The following SLC12A4 variants were observed in gnomAD, a reference collection of about 807,000 sequenced individuals.
The protein encoded by SLC12A4 is solute carrier family 12 member 4.
In SLC12A4, 84 loss-of-function variants were observed where a neutral mutation model predicts 119.2. The ratio of observed to expected loss-of-function variants is 0.70; its 90% CI spans 0.59 to 0.85. The LOEUF is 0.85. Among genes scored for constraint, SLC12A4 ranks in the 40% least tolerant of loss-of-function variants. The pLI, the probability that SLC12A4 is intolerant of heterozygous loss-of-function variation, is 0.00. For missense variants in SLC12A4, 1,298 were observed against 1,476.3 expected (o/e 0.88, Z 1.98); for synonymous variants, 599 against 604.6 (o/e 0.99, Z 0.14).
chr16:67,945,347 G>A (rs1267253670), intron 22 of SLC12A4, 22 bp downstream of exon 22: 2 of 1,604,516 alleles, frequency 1.2e-6, no homozygotes, highest in Non-Finnish European at 1.7e-6. Flanking sequence ...AGTGCCGCTG[G>A]GGCTGTTTTT....
Position 67,950,774 on chromosome 16 carries a change from G to A in SLC12A4, c.1397-63C>T, listed in dbSNP as rs2058405591. The A allele has an allele frequency of 5.8e-6, 9 of 1,558,996 alleles. No homozygotes were observed. Among genetic ancestry groups the A allele is most frequent in the Non-Finnish European group, 7.8e-6 (9 of 1,148,408 alleles). ...CCACTGTCCCTGAATAGTACCACGT[G>A]CCCCCACCCCAGCCAGACTACCAGG... On this transcript the variant is annotated intron_variant, in intron 10 of 23. Coordinates refer to ENST00000316341, the MANE Select transcript of SLC12A4 (RefSeq NM_005072.5). The surrounding 1 kb of genome is among the most constrained non-coding windows in gnomAD (Gnocchi z 4.3).
Position 67,944,578 on chromosome 16 carries a change from C to A in SLC12A4, c.*262G>T. On this transcript the variant is annotated 3_prime_UTR_variant, in exon 24 of 24. Coordinates refer to ENST00000316341, the MANE Select transcript of SLC12A4 (RefSeq NM_005072.5). This position sits in a 1 kb window ranked among gnomAD's most constrained non-coding sequence, Gnocchi z 6.6. Reference sequence around the variant, plus strand: ...CCTTCAAACCCCACTCGGCCCCTACCAGTCTTCTCTGGCCAGGACAGGCCT... The same window carrying A: ...CCTTCAAACCCCACTCGGCCCCTACAAGTCTTCTCTGGCCAGGACAGGCCT... 1 of 1,322,010 alleles carries A rather than the reference C, an allele frequency of 7.6e-7. No homozygotes were observed. Among genetic ancestry groups the A allele is most frequent in the Non-Finnish European group, 9.6e-7 (1 of 1,037,672 alleles). The allele number at this position is 1,322,010 out of a possible 1,614,324, so 81.9% of individuals were successfully genotyped here.
chr16:67,947,271 G>A, intron 16 of SLC12A4, 60 bp downstream of exon 16: 1 of 1,552,552 alleles, frequency 6.4e-7, no homozygotes, highest in Non-Finnish European at 8.8e-7. Context: ...TCGACCCTCT[G>A]ACCCCGACAG....
intron 1 of SLC12A4, chr16:67,966,933 A>C: frequency 7.0e-7 from 1 of 1,430,426 alleles, no homozygotes; most frequent in Non-Finnish European, 9.2e-7. Context: ...AGGCGTGGCC[A>C]AGGTGGGGCC....
chr16:67,957,070 G>T (rs2030301886), intron 5 of SLC12A4, among the ~76,000 whole-genome samples: 1 of 151,882 alleles, frequency 6.6e-6, no homozygotes. Flanking sequence ...GCATGATCTT[G>T]GCTCACTACT....
In SLC12A4 at chr16:67,952,377, C is replaced by T. The variant is rs775700500; in HGVS notation, c.724G>A (p.Asp242Asn). The change falls in exon 7 of 24, where the codon GAC becomes AAC. Residue 242 changes from aspartate (D) to asparagine (N), a missense_variant. Coordinates refer to ENST00000316341, the MANE Select transcript of SLC12A4 (RefSeq NM_005072.5). ...TTGTTCAAAGTGGCATTCGACGTGT[C>T]ATGAGCACCCGATGGGTAAAAAATG... ...AAIFYPSGAH[D>N]TSNATLNNMR... is the part of the protein sequence containing the mutation. 46 of 1,614,054 alleles carry T rather than the reference C, an allele frequency of 2.8e-5. No individual in the cohort carries two copies. The highest frequency in any genetic ancestry group is 3.7e-5 in the Non-Finnish European group (44 of 1,180,004).
At chr16:67,952,539 C>T in intron 6 of SLC12A4, 114 bp from the exon 7 acceptor site, 1 of 1,146,110 alleles carries the variant, frequency 8.7e-7, no homozygotes, top group Non-Finnish European at 1.3e-6. Context: ...GTGGCTCACG[C>T]CTGTAATCCC....
chr16:67,957,970 C>T lies in SLC12A4; in HGVS notation c.417G>A (p.Leu139=), dbSNP rs371698139. ...LQNIFGVILF[L]RLTWMVGTAG... ...CTGTGCCCACCATCCAGGTCAGCCG[C>T]AGGAAGAGGATAACCCCAAAGATAT... The change falls in exon 4 of 24, where the codon CTG becomes CTA. Residue 139 remains leucine, a synonymous_variant. Transcript: ENST00000316341. 139 of 1,614,110 alleles carry T rather than the reference C, an allele frequency of 8.6e-5. No homozygotes were observed. Among genetic ancestry groups the T allele is most frequent in the Non-Finnish European group, 1.1e-4 (127 of 1,180,042 alleles).
At chr16:67,953,782 G>C (rs974602519) in intron 6 of SLC12A4, among the ~76,000 whole-genome samples, 1 of 152,224 alleles carries the variant, frequency 6.6e-6, no homozygotes, top group African/African-American at 2.4e-5. Flanking sequence ...AAGTGGAACA[G>C]TTTGAGCAAG....
rs1241785868 is a variant in SLC12A4, at chr16:67,949,653, G to A, written c.1748+147C>T. ...TGCCAGGCTTGCTCCTAAATGCAGGGGTGGGCTGAGCCCTGTCAGGCCACA... is the reference window on the plus strand; with the variant it reads ...TGCCAGGCTTGCTCCTAAATGCAGGAGTGGGCTGAGCCCTGTCAGGCCACA... On this transcript the variant is annotated intron_variant, in intron 13 of 23. Coordinates refer to ENST00000316341, the MANE Select transcript of SLC12A4 (RefSeq NM_005072.5). This position sits in a 1 kb window ranked among gnomAD's most constrained non-coding sequence, Gnocchi z 4.6. The A allele has an allele frequency of 1.7e-6, 1 of 593,264 alleles. No homozygotes were observed. Among genetic ancestry groups the A allele is most frequent in the Non-Finnish European group, 2.9e-6 (1 of 339,126 alleles). 36.7% of individuals were successfully genotyped at this position (593,264 alleles called of 1,614,324 possible).
chr16:67,954,261 G>A, intron 6 of SLC12A4: 2 of 329,676 alleles, frequency 6.1e-6, no homozygotes, highest in Non-Finnish European at 1.2e-5. Context: ...AAGTGCCCTG[G>A]CACAGAGCCC....
chr16:67,965,938 G>A (rs550226673), intron 1 of SLC12A4, among the ~76,000 whole-genome samples: 3 of 152,180 alleles, frequency 2.0e-5, no homozygotes, highest in South Asian at 2.1e-4. Context: ...CTGTAGGGGC[G>A]GAGCTGCAGG....
rs749930845 is a variant in SLC12A4 at position 67,950,376 on chromosome 16, T to G, written c.1572A>C (p.Thr524=). 9 of 1,613,882 alleles carry G rather than the reference T, an allele frequency of 5.6e-6. No homozygotes were observed. The highest frequency in any genetic ancestry group is 7.6e-6 in the Non-Finnish European group (9 of 1,180,020). The part of the protein sequence containing the change: ...STCGAGLQSL[T]GAPRLLQAIA... ...TGGCCTGCAATAGGCGTGGTGCCCC[T>G]GTGAGGCTCTGGAGGCCAGCGCCAC... The change falls in exon 12 of 24, where the codon ACA becomes ACC. Residue 524 remains threonine, a synonymous_variant. Coordinates refer to ENST00000316341, the MANE Select transcript of SLC12A4 (RefSeq NM_005072.5). The surrounding 1 kb of genome is among the most constrained non-coding windows in gnomAD (Gnocchi z 4.3).
rs1350071874 is a variant in SLC12A4 at position 67,947,797 on chromosome 16, G to A, written c.1848-9C>T. The A allele has an allele frequency of 1.3e-6, 2 of 1,581,074 alleles. No individual in the cohort carries two copies. Among genetic ancestry groups the A allele is most frequent in the Non-Finnish European group, 8.6e-7 (1 of 1,164,034 alleles). On this transcript the variant is annotated splice_polypyrimidine_tract_variant and intron_variant, in intron 14 of 23. Transcript: ENST00000316341. ...CCAGGAAGGACAGCGCCCTGGACGAGAGGGGAGGGCAGAGTCAGGGCAGGA... is the reference window on the plus strand; with the variant it reads ...CCAGGAAGGACAGCGCCCTGGACGAAAGGGGAGGGCAGAGTCAGGGCAGGA...
chr16:67,950,744 C>T lies in SLC12A4; in HGVS notation c.1397-33G>A, dbSNP rs760356469. On this transcript the variant is annotated intron_variant, in intron 10 of 23. Coordinates refer to ENST00000316341, the MANE Select transcript of SLC12A4 (RefSeq NM_005072.5). This position sits in a 1 kb window ranked among gnomAD's most constrained non-coding sequence, Gnocchi z 4.3. ...GGCGTCAAGGAAAACTCGGCCTCTG[C>T]CACCCCACTGTCCCTGAATAGTACC... is the stretch of plus-strand genomic sequence containing the variant. 6.3e-6 allele frequency: 10 copies of T among 1,586,056 alleles called. No individual in the cohort carries two copies. The East Asian group carries it at 1.6e-4, about 26-fold the overall frequency.
chr16:67,947,742 C>T lies in SLC12A4; in HGVS notation c.1894G>A (p.Val632Ile). The change falls in exon 15 of 24, where the codon GTC (valine) becomes ATC (isoleucine). Residue 632 changes from valine (V) to isoleucine (I), a missense_variant. Coordinates refer to ENST00000316341, the MANE Select transcript of SLC12A4 (RefSeq NM_005072.5). ...GMSLCLALMF[V>I]SSWYYALVAM... ...ACCAGGGCATAGTACCAGGAGGAGACAAACATAAGGGCCAGGCAGAGACTC... is the reference window on the plus strand; with the variant it reads ...ACCAGGGCATAGTACCAGGAGGAGATAAACATAAGGGCCAGGCAGAGACTC... 1.2e-6 allele frequency: 2 copies of T among 1,601,012 alleles called. No homozygotes were observed. Among genetic ancestry groups the T allele is most frequent in the Non-Finnish European group, 1.7e-6 (2 of 1,174,092 alleles).
Position 67,957,746 on chromosome 16 carries a change from A to T in SLC12A4, c.540T>A (p.Val180=). The T allele has an allele frequency of 6.2e-7, 1 of 1,613,250 alleles. No homozygotes were observed. The highest frequency in any genetic ancestry group is 8.5e-7 in the Non-Finnish European group (1 of 1,180,014). Residue 180 remains valine (V), a synonymous_variant, in exon 5 of 24, where the codon GTT becomes GTA. Coordinates refer to ENST00000316341, the MANE Select transcript of SLC12A4 (RefSeq NM_005072.5). ...SMSAIATNGV[V]PAGGSYFMIS... ...CCTTGGGTGGCGCTCACTGACCTGGAACCACACCGTTGGTGGCGATGGCAC... is the reference window on the plus strand; with the variant it reads ...CCTTGGGTGGCGCTCACTGACCTGGTACCACACCGTTGGTGGCGATGGCAC...
At chr16:67,956,150 C>T (rs187552814) in intron 5 of SLC12A4, among the ~76,000 whole-genome samples, 2 of 152,142 alleles carry the variant, frequency 1.3e-5, no homozygotes, top group East Asian at 1.9e-4. Context: ...GCACTCCAGC[C>T]TGGGCGACAC....
chr16:67,945,651 C>T, intron 21 of SLC12A4, 98 bp from the exon 22 acceptor site: 1 of 1,510,498 alleles, frequency 6.6e-7, no homozygotes, highest in Non-Finnish European at 9.0e-7. Context: ...GAAATGAGCA[C>T]TAGCTTGGGT....
Sources: gnomAD v4.1 joint callset for allele counts (sites outside exome capture counted in the v4.1 genomes callset) on GRCh38, gnomAD v4.1.1 for gene constraint, Gnocchi (gnomAD v3.1) non-coding constraint, MANE v1.5 for transcripts, NCBI Gene and HGNC (gene_info 2026-07-23, HGNC 2026-07-21) for gene names.